The following PTPRD variants were observed in gnomAD, a reference collection of about 807,000 sequenced individuals.
PTPRD encodes protein tyrosine phosphatase receptor type D.
In PTPRD, 34 loss-of-function variants were observed where a neutral mutation model predicts 214.5. That is an observed-to-expected ratio of 0.16 (90% CI 0.12 to 0.21). PTPRD has a LOEUF of 0.21. PTPRD is among the 10% of genes least tolerant of loss of function. The probability of loss-of-function intolerance (pLI) is 1.00; values close to 1 mark genes in which losing one functional copy is unlikely to be tolerated. For missense variants in PTPRD, 2,545 were observed against 2,398.7 expected, an observed-to-expected ratio of 1.06 and a Z score of -1.27; for synonymous variants, 1,128 against 845.7, an observed-to-expected ratio of 1.33 and a Z score of -5.79.
chr9:8,438,377 G>A (rs543235849), intron 34 of PTPRD, among the ~76,000 whole-genome samples: 1 of 152,156 alleles, frequency 6.6e-6, no homozygotes, highest in Non-Finnish European at 1.5e-5. Context: ...TTTTAGTGGA[G>A]AGCCAATAAA....
At chr9:9,983,388 A>C (rs1336418089) in intron 4 of PTPRD, among the ~76,000 whole-genome samples, 1 of 152,238 alleles carries the variant, frequency 6.6e-6, no homozygotes, top group Non-Finnish European at 1.5e-5. Context: ...ACTATAGTAA[A>C]ATGTCATTCC....
chr9:9,477,721 C>A (rs565605318), intron 8 of PTPRD, among the ~76,000 whole-genome samples: 1 of 152,050 alleles, frequency 6.6e-6, no homozygotes, highest in African/African-American at 2.4e-5. Flanking sequence ...TTGGTTTGGT[C>A]ACTTATTACA....
chr9:10,430,439 T>G (rs112305013), intron 2 of PTPRD, among the ~76,000 whole-genome samples: 2,460 of 152,040 alleles, frequency 0.016, 48 homozygotes, highest in South Asian at 0.047. Context: ...TAGATACGTA[T>G]GTATGTATAT....
intron 11 of PTPRD, among the ~76,000 whole-genome samples, chr9:8,747,453 GT>G (rs2092953877): frequency 6.6e-6 from 1 of 152,062 alleles, no homozygotes; most frequent in Admixed American, 6.6e-5. Flanking sequence ...ACCTAAAGAG[GT>G]GGCAGTCTTA....
intron 9 of PTPRD, among the ~76,000 whole-genome samples, chr9:9,351,520 A>G (rs76697402): frequency 3.3e-5 from 5 of 151,996 alleles, no homozygotes; most frequent in African/African-American, 4.8e-5. Flanking sequence ...GTTCACGTGA[A>G]CCTTCCTAGG....
chr9:9,088,581 G>GAAAAAAAAAAAAAA lies in PTPRD; in HGVS notation c.-142-69860_-142-69847dup, dbSNP rs533619970. Among the ~76,000 whole-genome samples, 84 of 33,030 alleles carry GAAAAAAAAAAAAAA rather than the reference G, an allele frequency of 2.5e-3. 5 individuals carry two copies. Among genetic ancestry groups the GAAAAAAAAAAAAAA allele is most frequent in the African/African-American group, 6.5e-3 (69 of 10,614 alleles). The allele number at this position is 33,030 out of a possible 152,430, so 21.7% of individuals were successfully genotyped here. A position where few individuals can be genotyped will look rare whatever the true frequency, so the allele number is the denominator to read the frequency against. ...GGCGACAGAGTGAGACTTAGTCTCAGAAAAAAAAAAAAAAAAAAAAAAAAA... is the reference window on the plus strand; with the variant it reads ...GGCGACAGAGTGAGACTTAGTCTCAGAAAAAAAAAAAAAAAAAAAAAAAAAAAAAAAAAAAAAAA... On this transcript the variant is annotated intron_variant, in intron 10 of 45. Transcript: ENST00000381196.
chr9:8,981,134 G>A (rs2099310652), intron 11 of PTPRD, among the ~76,000 whole-genome samples: 1 of 151,734 alleles, frequency 6.6e-6, no homozygotes, highest in African/African-American at 2.4e-5. Flanking sequence ...CTAATATTGG[G>A]GTTATTTGTC....
At chr9:8,925,190 G>A (rs1434012253) in intron 11 of PTPRD, among the ~76,000 whole-genome samples, 1 of 152,012 alleles carries the variant, frequency 6.6e-6, no homozygotes, top group Non-Finnish European at 1.5e-5. Flanking sequence ...CCTATGTGAT[G>A]ATGCAGCCAA....
intron 3 of PTPRD, among the ~76,000 whole-genome samples, chr9:10,311,897 T>C (rs2096276142): frequency 6.6e-6 from 1 of 151,992 alleles, no homozygotes; most frequent in Admixed American, 6.6e-5. Flanking sequence ...GACTGCCCAT[T>C]GGGAGAGATG....
intron 35 of PTPRD, among the ~76,000 whole-genome samples, chr9:8,405,823 T>A (rs2092920214): frequency 6.6e-6 from 1 of 152,190 alleles, no homozygotes; most frequent in Non-Finnish European, 1.5e-5. Context: ...CATGCCTTTA[T>A]GTGTATATGT....
chr9:9,708,861 T>A (rs2097674346), intron 7 of PTPRD, among the ~76,000 whole-genome samples: 1 of 152,006 alleles, frequency 6.6e-6, no homozygotes, highest in Admixed American at 6.6e-5. Context: ...ATTGTAAATT[T>A]AAAAAACACA....
At chr9:9,447,474 G>A (rs2090828228) in intron 8 of PTPRD, among the ~76,000 whole-genome samples, 1 of 152,016 alleles carries the variant, frequency 6.6e-6, no homozygotes, top group Non-Finnish European at 1.5e-5. Context: ...AAGAACACAT[G>A]GACACAAAGA....
intron 35 of PTPRD, among the ~76,000 whole-genome samples, chr9:8,409,492 A>T (rs2093339832): frequency 6.6e-6 from 1 of 152,096 alleles, no homozygotes; most frequent in Admixed American, 6.5e-5. Flanking sequence ...GTAATTCTAA[A>T]CTCCAAACAA....
intron 10 of PTPRD, among the ~76,000 whole-genome samples, chr9:9,085,772 C>G (rs528922878): frequency 4.9e-4 from 75 of 151,986 alleles, no homozygotes; most frequent in African/African-American, 1.8e-3. Flanking sequence ...ATATAAAGTC[C>G]AAATGTTTTA....
At chr9:8,651,120 T>C (rs924062233) in intron 12 of PTPRD, among the ~76,000 whole-genome samples, 2 of 152,216 alleles carry the variant, frequency 1.3e-5, no homozygotes, top group East Asian at 3.8e-4. Context: ...ATATCCAAAT[T>C]CTTTTTTAGA....
intron 14 of PTPRD, among the ~76,000 whole-genome samples, chr9:8,543,542 T>C (rs2079034954): frequency 6.6e-6 from 1 of 152,182 alleles, no homozygotes; most frequent in Non-Finnish European, 1.5e-5. Flanking sequence ...TATTTAAGTG[T>C]TTGTTGTTAA....
intron 37 of PTPRD, among the ~76,000 whole-genome samples, chr9:8,382,966 C>T (rs1500326): frequency 0.29 from 44,398 of 152,036 alleles, 7,255 homozygotes; most frequent in Middle Eastern, 0.37. Flanking sequence ...TTAAACTTAC[C>T]GAACCTTGAC....
chr9:10,493,153 C>T (rs568045114), intron 2 of PTPRD, among the ~76,000 whole-genome samples: 43 of 152,128 alleles, frequency 2.8e-4, no homozygotes, highest in South Asian at 1.7e-3. Context: ...TAATCAATAT[C>T]GTGAAAATGG....
intron 8 of PTPRD, among the ~76,000 whole-genome samples, chr9:9,417,593 G>T (rs2077370603): frequency 6.6e-6 from 1 of 152,038 alleles, no homozygotes; most frequent in Non-Finnish European, 1.5e-5. Flanking sequence ...AAAATTGAAA[G>T]AAACCTGAGG....
Sources: allele counts gnomAD v4.1 joint callset (sites outside exome capture counted in the v4.1 genomes callset), GRCh38; gene constraint gnomAD v4.1.1; transcripts MANE v1.5; gene names NCBI Gene and HGNC (gene_info 2026-07-23, HGNC 2026-07-21).